Variants in PDCD6 observed in about 807,000 individuals in gnomAD.
PDCD6 encodes the protein programmed cell death 6, also known as programmed cell death protein 6.
A neutral mutation model predicts 28.3 loss-of-function variants in PDCD6; 12 were observed. The observed-to-expected ratio is 0.42, with a 90% confidence interval of 0.27 to 0.69. The LOEUF (loss-of-function observed/expected upper bound fraction) is 0.69. PDCD6 is among the 30% of genes least tolerant of loss of function. The pLI is 0.22. For missense variants in PDCD6, 226 were observed against 269.9 expected (o/e 0.84, Z 1.14); for synonymous variants, 92 against 108.0 (o/e 0.85, Z 0.92).
chr5:297,843 C>T (rs1383684353), intron 2 of PDCD6, among the ~76,000 whole-genome samples: 1 of 152,040 alleles, frequency 6.6e-6, no homozygotes, highest in Admixed American at 6.6e-5. Flanking sequence ...TCCTTTAATA[C>T]AAAAAGTATA....
chr5:312,262 C>T (rs1229021835), intron 5 of PDCD6: 1 of 152,094 alleles, frequency 6.6e-6, no homozygotes, highest in Non-Finnish European at 1.5e-5. Context: ...GCTCAGGGGA[C>T]CCGCCTGGGA....
At position 278,025 on chromosome 5, in the gene PDCD6, C is replaced by T. The variant is rs188320070; in HGVS notation, c.163+5253C>T. Among the ~76,000 whole-genome samples the T allele has an allele frequency of 9.6e-3, 1,455 of 152,226 alleles. 11 individuals are homozygous for T. The highest frequency in any genetic ancestry group is 0.024 in the Middle Eastern group (7 of 294). ...CCAGTTCCTAGATGAGTCCCTTCTC[C>T]AGCTCAGGTTCCGCCTAAGCCTCAG... On this transcript the variant is annotated intron_variant, in intron 2 of 5. Transcript: ENST00000264933.
intron 2 of PDCD6, among the ~76,000 whole-genome samples, chr5:286,685 G>A (rs112867540): frequency 8.0e-5 from 12 of 150,614 alleles, no homozygotes; most frequent in South Asian, 2.1e-4. Flanking sequence ...TTGGAGAGCC[G>A]TGCAGCTGGA....
At chr5:276,858 C>T (rs1482196363) in intron 2 of PDCD6, 2 of 985,276 alleles carry the variant, frequency 2.0e-6, no homozygotes, top group African/African-American at 1.7e-5. Flanking sequence ...AAAATTACTG[C>T]TCTCAGGGAG....
At chr5:276,987 C>T (rs557893707) in intron 2 of PDCD6, 4 of 971,432 alleles carry the variant, frequency 4.1e-6, no homozygotes, top group Admixed American at 6.2e-5. Context: ...TTTTAACATT[C>T]ACATATTTCT....
At chr5:279,300 A>G (rs1420200981) in intron 2 of PDCD6, among the ~76,000 whole-genome samples, 1 of 152,092 alleles carries the variant, frequency 6.6e-6, no homozygotes, top group Non-Finnish European at 1.5e-5. Context: ...GCTTCTGCCA[A>G]CGAGATTTTC....
Position 288,999 on chromosome 5 carries a change from T to G in PDCD6, c.164-15178T>G. The G allele has an allele frequency of 6.4e-6, 8 of 1,248,100 alleles. No individual in the cohort carries two copies. The Admixed American group carries it at 1.2e-4, about 19-fold the overall frequency. 77.3% of individuals were successfully genotyped at this position (1,248,100 alleles called of 1,614,324 possible). A position where few individuals can be genotyped will look rare whatever the true frequency, so the allele number is the denominator to read the frequency against. On this transcript the variant is annotated intron_variant, in intron 2 of 5. Transcript: ENST00000264933. The stretch of plus-strand genomic sequence containing the variant: ...TTCAGGGCCTTCGTTTTCATTACCT[T>G]CGGAATGTAGTAAATCTTTCTCAGC...
At chr5:286,721 G>C (rs1331111067) in intron 2 of PDCD6, among the ~76,000 whole-genome samples, 3 of 151,920 alleles carry the variant, frequency 2.0e-5, no homozygotes, top group Non-Finnish European at 1.5e-5. Flanking sequence ...TGATGTTCCC[G>C]TTTGAGGGCC....
intron 2 of PDCD6, among the ~76,000 whole-genome samples, chr5:303,268 A>T (rs1264477818): frequency 6.7e-6 from 1 of 149,436 alleles, no homozygotes; most frequent in Non-Finnish European, 1.5e-5. Flanking sequence ...GTCTCTGTGT[A>T]CTGCCCAGGA....
At chr5:298,584 A>T (rs2721016) in intron 2 of PDCD6, among the ~76,000 whole-genome samples, 106,395 of 145,586 alleles carry the variant, frequency 0.73, 39,543 homozygotes, top group African/African-American at 0.77. Flanking sequence ...CAGGCCCTCA[A>T]GGGCTCCTCT....
At chr5:292,486 T>C (rs1257892545) in intron 2 of PDCD6, among the ~76,000 whole-genome samples, 5 of 152,234 alleles carry the variant, frequency 3.3e-5, no homozygotes, top group Non-Finnish European at 2.9e-5. Flanking sequence ...CTGAAACTCC[T>C]GACCTCAGGT....
chr5:284,892 G>T (rs765243162), intron 2 of PDCD6, among the ~76,000 whole-genome samples: 6 of 148,384 alleles, frequency 4.0e-5, no homozygotes, highest in Non-Finnish European at 7.5e-5. Flanking sequence ...TGATGTTCCA[G>T]TCTGAGGGTC....
chr5:271,974 C>T (rs1206423450), intron 1 of PDCD6, among the ~76,000 whole-genome samples, 153 bp downstream of exon 1: 33 of 151,480 alleles, frequency 2.2e-4, no homozygotes, highest in African/African-American at 7.5e-4. Context: ...CCGTCCCCTG[C>T]CGCCGCCCCC....
At chr5:312,148 G>T (rs1740961325) in intron 5 of PDCD6, 1 of 152,370 alleles carries the variant, frequency 6.6e-6, no homozygotes, top group Admixed American at 6.5e-5. Flanking sequence ...GTGCACTCCA[G>T]TGTCTGCAGG....
chr5:301,778 T>A (rs1740071659), intron 2 of PDCD6, among the ~76,000 whole-genome samples: 1 of 149,198 alleles, frequency 6.7e-6, no homozygotes, highest in South Asian at 2.1e-4. Context: ...GGTCGTGGAG[T>A]GCTGCTCTGT....
At chr5:312,626 T>G (rs1235748142) in intron 5 of PDCD6, among the ~76,000 whole-genome samples, 2 of 152,058 alleles carry the variant, frequency 1.3e-5, no homozygotes, top group African/African-American at 4.8e-5. Context: ...TGGATGACAT[T>G]TTTACAATGT....
intron 2 of PDCD6, among the ~76,000 whole-genome samples, chr5:294,409 C>T (rs1391385191): frequency 4.5e-5 from 6 of 134,372 alleles, no homozygotes; most frequent in African/African-American, 9.0e-5. Flanking sequence ...ACAGAGGCCT[C>T]ATCAAAGAAG....
At chr5:302,107 T>TGTGTGTGTGTGTGCGC (rs113802406) in intron 2 of PDCD6, among the ~76,000 whole-genome samples, 2 of 111,682 alleles carry the variant, frequency 1.8e-5, no homozygotes, top group Non-Finnish European at 3.6e-5. Flanking sequence ...TGTGTGTGTG[T>TGTGTGTGTGTGTGCGC]GCCTTGGGTT....
At chr5:299,601 G>C (rs1243010134) in intron 2 of PDCD6, among the ~76,000 whole-genome samples, 1 of 151,152 alleles carries the variant, frequency 6.6e-6, no homozygotes, top group Non-Finnish European at 1.5e-5. Context: ...CCAGGCTGGA[G>C]TCCAGTGGTG....
Sources: allele counts gnomAD v4.1 joint callset (sites outside exome capture counted in the v4.1 genomes callset), GRCh38; gene constraint gnomAD v4.1.1; transcripts MANE v1.5; gene names NCBI Gene and HGNC (gene_info 2026-07-23, HGNC 2026-07-21).